ZNF268: variants seen among roughly 807,000 people sequenced by gnomAD.
ZNF268 encodes zinc finger protein 268, also known as zinc finger protein 3.
In ZNF268, 20 loss-of-function variants were observed where a neutral mutation model predicts 29.3. That is an observed-to-expected ratio of 0.68 (90% CI 0.48 to 0.99). The LOEUF is 0.99. Ranked by LOEUF, ZNF268 falls within the 50% of genes least tolerant of loss-of-function variation. The pLI, the probability that ZNF268 is intolerant of heterozygous loss-of-function variation, is 0.00. For synonymous variants in ZNF268, 429 were observed against 376.9 expected (o/e 1.14, Z -1.60); for missense variants, 1,240 against 1,121.6 (o/e 1.11, Z -1.51).
At position 133,188,052 on chromosome 12, in the gene ZNF268, C is replaced by T. The variant is rs1956368024; in HGVS notation, c.214C>T (p.Pro72Ser). ...GTGGCTGTTTATTTCCCAAGAGCAGCCAAAAATCACCAAGTCCTGGGTGAG... is the reference window on the plus strand; with the variant it reads ...GTGGCTGTTTATTTCCCAAGAGCAGTCAAAAATCACCAAGTCCTGGGTGAG... The part of the protein sequence containing the change: ...LEWLFISQEQ[P>S]KITKSWGPLS... The change falls in exon 3 of 6, where the codon CCA becomes TCA. Residue 72 changes from proline (P) to serine (S), a missense_variant. Pro to Ser is a moderately conservative substitution (Grantham distance 74). This residue lies in a region of ZNF268 where 1,177 missense variants were observed against 1,039.6 expected (regional missense o/e 1.13). Transcript: ENST00000536435. 6.3e-7 allele frequency: 1 copy of T among 1,589,190 alleles called. No homozygotes were observed. The highest frequency in any genetic ancestry group is 1.3e-5 in the African/African-American group (1 of 74,526).
rs985887025 is a variant in ZNF268, at chr12:133,211,727, G to T, written c.*7197G>T. 3.9e-5 allele frequency: 6 copies of T among 152,174 alleles called. No homozygotes were observed. The highest frequency in any genetic ancestry group is 1.4e-4 in the African/African-American group (6 of 41,422). The allele number at this position is 152,174 out of a possible 1,614,324, so 9.4% of individuals were successfully genotyped here. On this transcript the variant is annotated 3_prime_UTR_variant, in exon 6 of 6. Transcript: ENST00000536435. The stretch of plus-strand genomic sequence containing the variant: ...TAAAGTGACTATAATCTAAAAATAA[G>T]TAAATTTGCAATTGCAACAGGAACT...
At chr12:133,187,534 C>G (rs1956352476) in intron 2 of ZNF268, among the ~76,000 whole-genome samples, 1 of 152,020 alleles carries the variant, frequency 6.6e-6, no homozygotes, top group Non-Finnish European at 1.5e-5. Context: ...TGTGGGTATT[C>G]CTACTGCCCT....
At chr12:133,196,345 G>C (rs979810707) in intron 5 of ZNF268, among the ~76,000 whole-genome samples, 4 of 146,828 alleles carry the variant, frequency 2.7e-5, no homozygotes, top group African/African-American at 1.0e-4. Flanking sequence ...AAAAAAGCCT[G>C]TCTTTTAGTT....
At position 133,202,274 on chromosome 12, in the gene ZNF268, A is replaced by G. The variant is rs773618062; in HGVS notation, c.588A>G (p.Ser196=). 1 of 1,612,674 alleles carries G rather than the reference A, an allele frequency of 6.2e-7. No homozygotes were observed. Among genetic ancestry groups the G allele is most frequent in the Non-Finnish European group, 8.5e-7 (1 of 1,179,238 alleles). ...KLCLLSTKYL[S]RQKPHKCGTH... ...GTCTTCTTAGTACAAAGTATCTTTC[A>G]AGACAAAAACCTCATAAATGTGGCA... is the stretch of plus-strand genomic sequence containing the variant. The change falls in exon 6 of 6, where the codon TCA becomes TCG. Residue 196 remains serine (S), a synonymous_variant. Coordinates refer to ENST00000536435, the MANE Select transcript of ZNF268 (RefSeq NM_003415.3).
In ZNF268 at chr12:133,192,012, T is replaced by C; in HGVS notation, c.457+9T>C. On this transcript the variant is annotated intron_variant, in intron 5 of 5. Transcript: ENST00000536435. ...AAATCAGACCTGTCCAAGTGAGTGA[T>C]GGAGACAAATCTTTTCTTCTTTATT... The C allele has an allele frequency of 1.9e-6, 3 of 1,594,676 alleles. No individual in the cohort carries two copies. The highest frequency in any genetic ancestry group is 2.6e-6 in the Non-Finnish European group (3 of 1,166,516).
chr12:133,183,377 G>A (rs749029116), intron 2 of ZNF268, among the ~76,000 whole-genome samples: 1 of 151,936 alleles, frequency 6.6e-6, no homozygotes, highest in African/African-American at 2.4e-5. Flanking sequence ...GCTCCCACCT[G>A]TAATCCCTGT....
Position 133,203,577 on chromosome 12 carries a change from C to T in ZNF268, c.1891C>T (p.Gln631Ter), listed in dbSNP as rs921223791. Residue 631 changes from glutamine (Q) to a stop codon, truncating the protein, a stop_gained, in exon 6 of 6, where the codon CAG (glutamine) becomes TAG (stop). Transcript: ENST00000536435. LOFTEE classifies it low-confidence loss of function (END_TRUNC). ...TACAAAGTCAAACCTGATTGTACAT[C>T]AGAGAACTCATACAGGAGAGAAACC... ...FNTKSNLIVH[Q>*]RTHTGEKPYS... The T allele has an allele frequency of 2.6e-6, 4 of 1,567,054 alleles. No individual in the cohort carries two copies. In the African/African-American group the frequency reaches 4.1e-5, roughly 16 times the overall value.
rs1316958663 is a variant in ZNF268 at position 133,205,422 on chromosome 12, ATT to A, written c.*895_*896del. The A allele has an allele frequency of 2.0e-5, 3 of 152,106 alleles. No homozygotes were observed. The highest frequency in any genetic ancestry group is 4.4e-5 in the Non-Finnish European group (3 of 67,994). The allele number at this position is 152,106 out of a possible 1,614,324, so 9.4% of individuals were successfully genotyped here. ...TTCCTATGTGTACTACATAATATGA[ATT>A]TTGCAGTTTGGCATTTTACTTGCGA... On this transcript the variant is annotated 3_prime_UTR_variant, in exon 6 of 6. Coordinates refer to ENST00000536435, the MANE Select transcript of ZNF268 (RefSeq NM_003415.3).
chr12:133,186,743 A>G (rs1408688431), intron 2 of ZNF268, among the ~76,000 whole-genome samples: 1 of 152,216 alleles, frequency 6.6e-6, no homozygotes. Context: ...CTATTCACCA[A>G]CAAAAAGAAC....
At position 133,211,759 on chromosome 12, in the gene ZNF268, C is replaced by T. The variant is rs575214926; in HGVS notation, c.*7229C>T. On this transcript the variant is annotated 3_prime_UTR_variant, in exon 6 of 6. Coordinates refer to ENST00000536435, the MANE Select transcript of ZNF268 (RefSeq NM_003415.3). ...TGCAATTGCAACAGGAACTCTCATT[C>T]ATTGCTGGTGCAATGCATAATAGTA... The T allele has an allele frequency of 7.2e-5, 11 of 152,382 alleles. 1 individual carries two copies. The South Asian group carries it at 2.3e-3, about 32-fold the overall frequency. 9.4% of individuals were successfully genotyped at this position (152,382 alleles called of 1,614,324 possible). A position where few individuals can be genotyped will look rare whatever the true frequency, so the allele number is the denominator to read the frequency against.
chr12:133,189,560 C>T (rs186398797), intron 3 of ZNF268, among the ~76,000 whole-genome samples: 11 of 152,278 alleles, frequency 7.2e-5, no homozygotes, highest in Non-Finnish European at 1.5e-4. Context: ...GTTATATAGG[C>T]ATATAGCCAA....
At chr12:133,192,126 G>A in intron 5 of ZNF268, 123 bp downstream of exon 5, 1 of 547,158 alleles carries the variant, frequency 1.8e-6, no homozygotes, top group Non-Finnish European at 2.8e-6. Context: ...TTTTTTTTTT[G>A]AGACAGAGTT....
intron 2 of ZNF268, among the ~76,000 whole-genome samples, chr12:133,183,302 G>A (rs959502090): frequency 6.6e-6 from 1 of 152,132 alleles, no homozygotes; most frequent in Admixed American, 6.5e-5. Context: ...CAGCAGGTAA[G>A]AGAATATAAG....
At chr12:133,187,654 G>GT (rs1258688075) in intron 2 of ZNF268, among the ~76,000 whole-genome samples, 1 of 152,080 alleles carries the variant, frequency 6.6e-6, no homozygotes, top group Admixed American at 6.6e-5. Flanking sequence ...GGTCGTACCT[G>GT]TATTTTTATC....
At chr12:133,198,890 C>A (rs1458476810) in intron 5 of ZNF268, among the ~76,000 whole-genome samples, 2 of 147,490 alleles carry the variant, frequency 1.4e-5, no homozygotes, top group African/African-American at 5.1e-5. Flanking sequence ...GATTTTGTAT[C>A]CTGAGACTTT....
intron 5 of ZNF268, among the ~76,000 whole-genome samples, chr12:133,198,749 A>C (rs1177228146): frequency 6.7e-6 from 1 of 149,992 alleles, no homozygotes; most frequent in African/African-American, 2.5e-5. Flanking sequence ...GAGGTCCTTC[A>C]CATCCCTTGT....
At chr12:133,200,246 T>C (rs1279623735) in intron 5 of ZNF268, among the ~76,000 whole-genome samples, 3 of 152,220 alleles carry the variant, frequency 2.0e-5, no homozygotes, top group Non-Finnish European at 4.4e-5. Context: ...CTCATTGGTT[T>C]CAAAGAACAT....
intron 2 of ZNF268, among the ~76,000 whole-genome samples, chr12:133,185,153 C>G (rs1956277261): frequency 6.7e-6 from 1 of 149,754 alleles, no homozygotes; most frequent in South Asian, 2.1e-4. Context: ...CCACTGCACT[C>G]CAATCTGGCG....
intron 4 of ZNF268, 34 bp downstream of exon 4, chr12:133,191,649 G>A (rs1377922208): frequency 1.2e-6 from 2 of 1,608,096 alleles, no homozygotes; most frequent in Non-Finnish European, 8.5e-7. Context: ...GAGTGTGCTC[G>A]ATCTCCAGGC....
Sources: gnomAD v4.1 joint callset for allele counts (sites outside exome capture counted in the v4.1 genomes callset) on GRCh38, gnomAD v4.1.1 for gene constraint, gnomAD v4.1.1 regional missense constraint, MANE v1.5 for transcripts, NCBI Gene and HGNC (gene_info 2026-07-23, HGNC 2026-07-21) for gene names.